Variants in TEPSIN observed in about 807,000 individuals in gnomAD.
TEPSIN encodes TEPSIN adaptor related protein complex 4 accessory protein.
Under a neutral mutation model 48.5 loss-of-function variants are expected in TEPSIN, and 50 were observed. The ratio of observed to expected loss-of-function variants is 1.03; its 90% CI spans 0.82 to 1.31. The LOEUF (loss-of-function observed/expected upper bound fraction) is 1.31. Among genes scored for constraint, TEPSIN ranks in the 50% most tolerant of loss-of-function variants. The pLI, the probability that TEPSIN is intolerant of heterozygous loss-of-function variation, is 0.00. For missense variants in TEPSIN, 838 were observed against 815.9 expected (o/e 1.03, Z -0.33); for synonymous variants, 392 against 358.8 (o/e 1.09, Z -1.05).
At chr17:81,229,723 T>G (rs1198518310) in intron 12 of TEPSIN, 1 of 554,572 alleles carries the variant, frequency 1.8e-6, no homozygotes, top group Non-Finnish European at 3.2e-6. Context: ...ATCTTGCTCC[T>G]TTACTCACTA....
rs748440144 is a variant in TEPSIN at position 81,233,770 on chromosome 17, C to T, written c.376-54G>A. 1,379 of 1,503,948 alleles carry T rather than the reference C, an allele frequency of 9.2e-4. 2 individuals are homozygous for T. Among genetic ancestry groups the T allele is most frequent in the Middle Eastern group, 1.8e-3 (8 of 4,542 alleles). The allele number at this position is 1,503,948 out of a possible 1,614,324, so 93.2% of individuals were successfully genotyped here. A position where few individuals can be genotyped will look rare whatever the true frequency, so the allele number is the denominator to read the frequency against. On this transcript the variant is annotated intron_variant, in intron 5 of 12. Coordinates refer to ENST00000637944, the MANE Select transcript of TEPSIN (RefSeq NM_001363764.2). This position sits in a 1 kb window ranked among gnomAD's most constrained non-coding sequence, Gnocchi z 5.8. ...TCCTCACACCAGGGCCTGCTGTACT[C>T]ACCCTGCCACCCATATCAGCTCCGT...
intron 7 of TEPSIN, 44 bp from the exon 8 acceptor site, chr17:81,232,562 C>G: frequency 6.7e-7 from 1 of 1,499,290 alleles, no homozygotes; most frequent in Non-Finnish European, 8.9e-7. Context: ...CCAGTGCGGC[C>G]CCCACCCGCG....
intron 11 of TEPSIN, 115 bp downstream of exon 11, chr17:81,231,278 CAGAGG>C: frequency 9.2e-7 from 1 of 1,089,368 alleles, no homozygotes. Context: ...CACAGCCACA[CAGAGG>C]AATGTTCACA....
At chr17:81,237,185 C>G in intron 2 of TEPSIN, 114 bp from the exon 3 acceptor site, 1 of 1,260,348 alleles carries the variant, frequency 7.9e-7, no homozygotes, top group Non-Finnish European at 1.1e-6. Context: ...CTACTGGAGG[C>G]TCTGCCATCA....
rs1453215635 is a variant in TEPSIN, at chr17:81,239,001, C to G, written c.33G>C (p.Leu11=). 1.6e-5 allele frequency: 24 copies of G among 1,487,110 alleles called. No individual in the cohort carries two copies. Among genetic ancestry groups the G allele is most frequent in the Non-Finnish European group, 1.9e-5 (21 of 1,124,082 alleles). The allele number at this position is 1,487,110 out of a possible 1,614,324, so 92.1% of individuals were successfully genotyped here. MAAAPPLRDR[L]SFLHRLPILL... is the part of the protein sequence containing the mutation. ...CCTCACTCACCCGGTGTAGAAAGCT[C>G]AGGCGGTCCCGTAGCGGCGGCGCGG... Residue 11 remains leucine, a synonymous_variant, in exon 1 of 13, where the codon CTG becomes CTC. Coordinates refer to ENST00000637944, the MANE Select transcript of TEPSIN (RefSeq NM_001363764.2).
chr17:81,239,012 G>C lies in TEPSIN; in HGVS notation c.22C>G (p.Arg8Gly), dbSNP rs991922582. Residue 8 changes from arginine to glycine, a missense_variant, in exon 1 of 13, where the codon CGG becomes GGG. Transcript: ENST00000637944. MAAAPPL[R>G]DRLSFLHRLP... ...CGGTGTAGAAAGCTCAGGCGGTCCC[G>C]TAGCGGCGGCGCGGCAGCCATGATC... 3.3e-5 allele frequency: 49 copies of C among 1,489,008 alleles called. No individual in the cohort carries two copies. Among genetic ancestry groups the C allele is most frequent in the Admixed American group, 4.8e-5 (2 of 42,104 alleles). 92.2% of individuals were successfully genotyped at this position (1,489,008 alleles called of 1,614,324 possible).
At position 81,231,626 on chromosome 17, in the gene TEPSIN, C is replaced by G; in HGVS notation, c.971G>C (p.Gly324Ala). Residue 324 changes from glycine to alanine, a missense_variant, in exon 10 of 13, where the codon GGA (glycine) becomes GCA (alanine). Transcript: ENST00000637944. ...ELSLVRTVTRGPRAFLSREEA... is the reference protein window; with the variant it reads ...ELSLVRTVTRAPRAFLSREEA... ...CTCGCGGCTCAGGAAGGCGCGTGGT[C>G]CCCGAGTCACAGTCCTCACCAAGCT... The G allele has an allele frequency of 6.2e-7, 1 of 1,613,164 alleles. No individual in the cohort carries two copies.
intron 1 of TEPSIN, 97 bp downstream of exon 1, chr17:81,238,889 A>G: frequency 7.3e-7 from 1 of 1,366,046 alleles, no homozygotes; most frequent in Non-Finnish European, 9.4e-7. Context: ...CGGCGCGGAG[A>G]CGCAAGGTCA....
chr17:81,237,852 C>G (rs1216092933), intron 1 of TEPSIN: 2 of 532,280 alleles, frequency 3.8e-6, no homozygotes, highest in Non-Finnish European at 5.0e-6. Flanking sequence ...ACACAGGGGA[C>G]TATGAATCGT....
intron 9 of TEPSIN, 25 bp from the exon 10 acceptor site, chr17:81,231,716 A>G (rs745832108): frequency 6.2e-7 from 1 of 1,610,518 alleles, no homozygotes; most frequent in Admixed American, 1.7e-5. Flanking sequence ...GGCCGGGTCA[A>G]GGGTGAGTGG....
In TEPSIN at chr17:81,228,865, C is replaced by T; in HGVS notation, c.*63G>A. The T allele has an allele frequency of 5.0e-6, 8 of 1,593,436 alleles. No individual in the cohort carries two copies. Among genetic ancestry groups the T allele is most frequent in the Non-Finnish European group, 6.8e-6 (8 of 1,169,922 alleles). On this transcript the variant is annotated 3_prime_UTR_variant, in exon 13 of 13. Coordinates refer to ENST00000637944, the MANE Select transcript of TEPSIN (RefSeq NM_001363764.2). ...TGTAGCAGCTACGGTTGAGGCTGCT[C>T]AGGAAGCACAGACCGCCCCAGACAG...
chr17:81,229,125 T>G lies in TEPSIN; in HGVS notation c.1585A>C (p.Ser529Arg). Reference sequence around the variant, plus strand: ...GAGTCGCGGCTCCACGCACAGCTGCTGGGGCCTCTCTTTGGGCTGTCCGTG... The same window carrying G: ...GAGTCGCGGCTCCACGCACAGCTGCGGGGGCCTCTCTTTGGGCTGTCCGTG... ...GGTDSPKRGPSSCAWSRDSLF... is the reference protein window; with the variant it reads ...GGTDSPKRGPRSCAWSRDSLF... The change falls in exon 13 of 13, where the codon AGC becomes CGC. Residue 529 changes from serine (S) to arginine (R), a missense_variant. Transcript: ENST00000637944. 1 of 1,612,882 alleles carries G rather than the reference T, an allele frequency of 6.2e-7. No individual in the cohort carries two copies. Among genetic ancestry groups the G allele is most frequent in the Non-Finnish European group, 8.5e-7 (1 of 1,179,800 alleles).
Position 81,228,955 on chromosome 17 carries a change from C to T in TEPSIN, c.1755G>A (p.Pro585=), listed in dbSNP as rs200215821. Residue 585 remains proline (P), a synonymous_variant, in exon 13 of 13, where the codon CCG becomes CCA. Transcript: ENST00000637944. ...AGGCGTTCAGGAACGCGAAAGCTGA[C>T]GGCTCTGAGCCAGGAGGCTCTTTGG... ...TAAKEPPGSE[P]SAFAFLNA is the part of the protein sequence containing the mutation. 1.9e-5 allele frequency: 31 copies of T among 1,613,616 alleles called. No homozygotes were observed. Among genetic ancestry groups the T allele is most frequent in the Admixed American group, 6.7e-5 (4 of 59,984 alleles).
chr17:81,238,278 C>G (rs12150535), intron 1 of TEPSIN: 1 of 579,420 alleles, frequency 1.7e-6, no homozygotes, highest in Non-Finnish European at 2.2e-6. Flanking sequence ...CAGGTGACAG[C>G]TGACAACTGC....
chr17:81,237,485 A>G lies in TEPSIN; in HGVS notation c.49-26T>C, dbSNP rs575144481. 6.9e-6 allele frequency: 11 copies of G among 1,592,114 alleles called. No homozygotes were observed. The South Asian group carries it at 1.1e-4, about 16-fold the overall frequency. Reference sequence around the variant, plus strand: ...CTGAAAGGGAACAAGAGCCCCTACCATGATGAGGTGCCATTTCCCACAGGG... The same window carrying G: ...CTGAAAGGGAACAAGAGCCCCTACCGTGATGAGGTGCCATTTCCCACAGGG... On this transcript the variant is annotated intron_variant, in intron 1 of 12. Transcript: ENST00000637944.
At chr17:81,237,962 G>T (rs1297642499) in intron 1 of TEPSIN, 17 of 1,004,680 alleles carry the variant, frequency 1.7e-5, no homozygotes, top group South Asian at 8.0e-5. Context: ...TTTTACGTTC[G>T]CTTAGCGCAG....
At position 81,230,435 on chromosome 17, in the gene TEPSIN, G is replaced by T. The variant is rs1014271460; in HGVS notation, c.1233+109C>A. The T allele has an allele frequency of 2.7e-6, 4 of 1,477,886 alleles. No individual in the cohort carries two copies. In the South Asian group the frequency reaches 3.8e-5, roughly 14 times the overall value. The allele number at this position is 1,477,886 out of a possible 1,614,324, so 91.5% of individuals were successfully genotyped here. A position where few individuals can be genotyped will look rare whatever the true frequency, so the allele number is the denominator to read the frequency against. On this transcript the variant is annotated intron_variant, in intron 12 of 12. Coordinates refer to ENST00000637944, the MANE Select transcript of TEPSIN (RefSeq NM_001363764.2). This position sits in a 1 kb window ranked among gnomAD's most constrained non-coding sequence, Gnocchi z 4.2. ...GGGACAGGGACTTGAGAGGGGGTCC[G>T]GGAAGGGCTGACCAGGCGCCGGGCA...
rs1256500345 is a variant in TEPSIN at position 81,229,737 on chromosome 17, G to A, written c.1234-261C>T. On this transcript the variant is annotated intron_variant, in intron 12 of 12. Transcript: ENST00000637944. ...AATCTTGCTCCTTTACTCACTACTA[G>A]ACAAATGGACACCCTCCCCGTCATA... 1.9e-5 allele frequency: 10 copies of A among 522,358 alleles called. No homozygotes were observed. The South Asian group carries it at 2.3e-4, about 12-fold the overall frequency. The allele number at this position is 522,358 out of a possible 1,614,324, so 32.4% of individuals were successfully genotyped here.
chr17:81,238,361 C>T, intron 1 of TEPSIN: 1 of 297,262 alleles, frequency 3.4e-6, no homozygotes, highest in Non-Finnish European at 5.0e-6. Context: ...TGGCTTCTGG[C>T]AGCCCAAGGT....
Sources: gnomAD v4.1 joint callset for allele counts on GRCh38, gnomAD v4.1.1 for gene constraint, Gnocchi (gnomAD v3.1) non-coding constraint, MANE v1.5 for transcripts, NCBI Gene and HGNC (gene_info 2026-07-23, HGNC 2026-07-21) for gene names.